Variants in GLYR1 observed in about 807,000 individuals in gnomAD.
GLYR1 encodes the protein cytokine-like nuclear factor N-PAC.
GLYR1 carries 21 observed loss-of-function variants against 72.7 expected under a neutral mutation model. The observed-to-expected ratio is 0.29, with a 90% confidence interval of 0.20 to 0.42. The LOEUF (loss-of-function observed/expected upper bound fraction) is 0.42. GLYR1 is among the 10% of genes least tolerant of loss of function. GLYR1 has a pLI of 1.00. For missense variants in GLYR1, 594 were observed against 712.1 expected (o/e 0.83, Z 1.89); for synonymous variants, 392 against 270.2 (o/e 1.45, Z -4.42).
chr16:4,809,684 G>A (rs1338173439), intron 15 of GLYR1, among the ~76,000 whole-genome samples: 1 of 151,008 alleles, frequency 6.6e-6, no homozygotes, highest in Admixed American at 6.6e-5. Context: ...AGCACTTTGG[G>A]AGGCTGAGGT....
intron 10 of GLYR1, 33 bp from the exon 11 acceptor site, chr16:4,814,680 A>G: frequency 6.6e-7 from 1 of 1,506,956 alleles, no homozygotes; most frequent in Non-Finnish European, 9.2e-7. Context: ...CGTGAGCTGC[A>G]GGCAGTGCAC....
At chr16:4,820,177 C>G (rs574905180) in intron 9 of GLYR1, among the ~76,000 whole-genome samples, 23 of 152,288 alleles carry the variant, frequency 1.5e-4, no homozygotes, top group Middle Eastern at 3.4e-3. Context: ...TTTGTAGAGA[C>G]AGGGTTTCAC....
intron 15 of GLYR1, among the ~76,000 whole-genome samples, chr16:4,806,805 CT>C (rs546117839): frequency 1.7e-3 from 237 of 140,810 alleles, no homozygotes; most frequent in Admixed American, 1.9e-3. Flanking sequence ...ATTCTTTTTT[CT>C]TTTTTTTTTT....
intron 15 of GLYR1, among the ~76,000 whole-genome samples, chr16:4,807,398 C>T (rs1158179342): frequency 6.6e-6 from 1 of 152,090 alleles, no homozygotes; most frequent in Admixed American, 6.6e-5. Flanking sequence ...TAGGTGTCAG[C>T]CACCGTGCCC....
intron 5 of GLYR1, among the ~76,000 whole-genome samples, chr16:4,824,590 T>C (rs1374552330): frequency 6.6e-6 from 1 of 151,824 alleles, no homozygotes; most frequent in African/African-American, 2.4e-5. Flanking sequence ...CACATGGGGC[T>C]GATGAGATCT....
At position 4,822,941 on chromosome 16, in the gene GLYR1, G is replaced by T; in HGVS notation, c.625-10C>A. 1 of 1,613,282 alleles carries T rather than the reference G, an allele frequency of 6.2e-7. No homozygotes were observed. Among genetic ancestry groups the T allele is most frequent in the Non-Finnish European group, 8.5e-7 (1 of 1,179,198 alleles). The stretch of plus-strand genomic sequence containing the variant: ...CTGCATCTTTAACAGGCTGAAACCA[G>T]AAAACAGTGAAATAAAACCAGTTAT... On this transcript the variant is annotated splice_polypyrimidine_tract_variant and intron_variant, in intron 6 of 15. Coordinates refer to ENST00000321919, the MANE Select transcript of GLYR1 (RefSeq NM_032569.4).
intron 15 of GLYR1, among the ~76,000 whole-genome samples, chr16:4,808,493 G>C (rs1185716274): frequency 6.6e-6 from 1 of 152,124 alleles, no homozygotes; most frequent in African/African-American, 2.4e-5. Context: ...AGCTACTGTG[G>C]AGGCTGAGGC....
chr16:4,826,896 G>C (rs999110831), intron 5 of GLYR1, among the ~76,000 whole-genome samples: 31 of 152,332 alleles, frequency 2.0e-4, no homozygotes, highest in African/African-American at 7.2e-4. Context: ...ACAAGGAGGA[G>C]GCAGCTTGTA....
intron 5 of GLYR1, among the ~76,000 whole-genome samples, chr16:4,828,367 C>T (rs991324108): frequency 6.6e-6 from 1 of 152,076 alleles, no homozygotes; most frequent in Admixed American, 6.5e-5. Context: ...CCGCGCCCGG[C>T]AAAGGTATGT....
intron 3 of GLYR1, among the ~76,000 whole-genome samples, chr16:4,840,547 A>C (rs536807862): frequency 2.7e-5 from 4 of 149,456 alleles, no homozygotes; most frequent in Admixed American, 2.0e-4. Flanking sequence ...ACACACACAC[A>C]CTCTCTCTCT....
chr16:4,830,139 C>T (rs1452326025), intron 5 of GLYR1, among the ~76,000 whole-genome samples: 1 of 151,784 alleles, frequency 6.6e-6, no homozygotes, highest in Admixed American at 6.6e-5. Flanking sequence ...TCTTCAACTC[C>T]TAAGCTCAAG....
intron 3 of GLYR1, among the ~76,000 whole-genome samples, chr16:4,837,759 CTG>C (rs2085245808): frequency 6.6e-6 from 1 of 151,978 alleles, no homozygotes; most frequent in Non-Finnish European, 1.5e-5. Flanking sequence ...CGGTGAAACC[CTG>C]TCTCTACTAA....
At chr16:4,820,014 T>C (rs1274090737) in intron 9 of GLYR1, among the ~76,000 whole-genome samples, 1 of 152,220 alleles carries the variant, frequency 6.6e-6, no homozygotes, top group Non-Finnish European at 1.5e-5. Context: ...CTGGATTTTT[T>C]TGAGACACAG....
At chr16:4,845,716 C>A (rs1014623919) in intron 2 of GLYR1, among the ~76,000 whole-genome samples, 1 of 152,154 alleles carries the variant, frequency 6.6e-6, no homozygotes, top group Non-Finnish European at 1.5e-5. Flanking sequence ...TGATGGATCA[C>A]CTCATGCAAA....
Position 4,811,187 on chromosome 16 carries a change from C to A in GLYR1, c.1570G>T (p.Ala524Ser), listed in dbSNP as rs747182167. Residue 524 changes from alanine (A) to serine (S), a missense_variant, in exon 15 of 16, where the codon GCA becomes TCA. This residue lies in a region of GLYR1 where 266 missense variants were observed against 358.4 expected (regional missense o/e 0.74). Transcript: ENST00000321919. Reference sequence around the variant, plus strand: ...TACCCTACCTCATTTGCTGCAGCTGCCATGGGAGTCGGATGGTTGACCGCA... The same window carrying A: ...TACCCTACCTCATTTGCTGCAGCTGACATGGGAGTCGGATGGTTGACCGCA... The part of the protein sequence containing the change: ...GDAVNHPTPM[A>S]AAANEVYKRA... The A allele has an allele frequency of 3.1e-6, 5 of 1,613,880 alleles. No individual in the cohort carries two copies. The highest frequency in any genetic ancestry group is 4.2e-6 in the Non-Finnish European group (5 of 1,180,038).
intron 3 of GLYR1, among the ~76,000 whole-genome samples, chr16:4,844,188 A>G (rs990039042): frequency 2.6e-5 from 4 of 152,094 alleles, no homozygotes; most frequent in African/African-American, 9.7e-5. Flanking sequence ...ATAAAAAGCT[A>G]AACAAATCAC....
chr16:4,825,018 C>T (rs994157454), intron 5 of GLYR1, among the ~76,000 whole-genome samples: 2 of 152,156 alleles, frequency 1.3e-5, no homozygotes, highest in African/African-American at 4.8e-5. Flanking sequence ...ATCTGCCCAA[C>T]CCCTTCTTCT....
intron 3 of GLYR1, among the ~76,000 whole-genome samples, chr16:4,834,708 C>T (rs2085024133): frequency 6.6e-6 from 1 of 151,904 alleles, no homozygotes. Flanking sequence ...TCCAGTGATC[C>T]ACCTGCCTTG....
chr16:4,838,490 A>G (rs1237195418), intron 3 of GLYR1, among the ~76,000 whole-genome samples: 1 of 152,146 alleles, frequency 6.6e-6, no homozygotes, highest in Non-Finnish European at 1.5e-5. Context: ...TTTGTCCACA[A>G]TCTGTTGAAC....
Sources: gnomAD v4.1 joint callset for allele counts (sites outside exome capture counted in the v4.1 genomes callset) on GRCh38, gnomAD v4.1.1 for gene constraint, gnomAD v4.1.1 regional missense constraint, MANE v1.5 for transcripts, NCBI Gene and HGNC (gene_info 2026-07-23, HGNC 2026-07-21) for gene names.